KCNIP3: variants seen among roughly 807,000 people sequenced by gnomAD.
The protein encoded by KCNIP3 is calsenilin.
A neutral mutation model predicts 35.0 loss-of-function variants in KCNIP3; 28 were observed. That is an observed-to-expected ratio of 0.80 (90% confidence interval 0.59 to 1.10). KCNIP3 has a LOEUF of 1.10. Ranked by LOEUF, KCNIP3 falls within the 50% of genes least tolerant of loss-of-function variation. The pLI is 0.00. For synonymous variants in KCNIP3, 134 were observed against 133.8 expected, an observed-to-expected ratio of 1.00 and a Z score of -0.01; for missense variants, 295 against 338.4, an observed-to-expected ratio of 0.87 and a Z score of 1.01.
At chr2:95,381,462 A>G (rs1312189557) in intron 5 of KCNIP3, 134 bp from the exon 6 acceptor site, 4 of 657,452 alleles carry the variant, frequency 6.1e-6, no homozygotes, top group Non-Finnish European at 1.1e-5. Flanking sequence ...GCTGACCTGA[A>G]TGGATGCCGT....
chr2:95,323,101 G>A (rs2113418), intron 2 of KCNIP3, among the ~76,000 whole-genome samples: 74,405 of 152,088 alleles, frequency 0.49, 18,556 homozygotes, highest in South Asian at 0.53. Context: ...TAGGAGGGGG[G>A]TGAACAGGAA....
chr2:95,304,269 T>A (rs1181351835), intron 1 of KCNIP3, among the ~76,000 whole-genome samples: 23 of 152,228 alleles, frequency 1.5e-4, no homozygotes. Flanking sequence ...GTGAATTCAT[T>A]TAAAAGGGAA....
chr2:95,300,401 C>CCCCTG (rs1356052932), intron 1 of KCNIP3, among the ~76,000 whole-genome samples: 1 of 152,244 alleles, frequency 6.6e-6, no homozygotes, highest in Non-Finnish European at 1.5e-5. Flanking sequence ...CCTTAGAGCC[C>CCCCTG]CCCTGCCCTC....
chr2:95,378,033 T>A lies in KCNIP3; in HGVS notation c.447+2825T>A, dbSNP rs1221320862. ...TCTGACCCAGGGCTTCAGGGATAAC[T>A]TAGAATCTTCACTACTGTGTAAACC... On this transcript the variant is annotated intron_variant, in intron 5 of 8. Transcript: ENST00000295225. The surrounding 1 kb of genome is among the most constrained non-coding windows in gnomAD (Gnocchi z 4.0). 6.6e-6 allele frequency among the ~76,000 whole-genome samples: 1 copy of A among 152,228 alleles called. No homozygotes were observed. Among genetic ancestry groups the A allele is most frequent in the African/African-American group, 2.4e-5 (1 of 41,458 alleles).
chr2:95,310,622 G>A lies in KCNIP3; in HGVS notation c.181+102G>A, dbSNP rs757355288. The A allele has an allele frequency of 1.8e-5, 23 of 1,277,946 alleles. No homozygotes were observed. In the African/African-American group the frequency reaches 2.5e-4, roughly 14 times the overall value. 79.2% of individuals were successfully genotyped at this position (1,277,946 alleles called of 1,614,324 possible). The stretch of plus-strand genomic sequence containing the variant: ...AAAGGCCAGCCTGGGACCCCAGCCT[G>A]GGCTACATCGCCCCTGTCTCTATTG... On this transcript the variant is annotated intron_variant, in intron 2 of 8. Coordinates refer to ENST00000295225, the MANE Select transcript of KCNIP3 (RefSeq NM_013434.5).
rs1450878479 is a variant in KCNIP3 at position 95,376,620 on chromosome 2, C to A, written c.447+1412C>A. 1.3e-5 allele frequency among the ~76,000 whole-genome samples: 2 copies of A among 152,260 alleles called. No individual in the cohort carries two copies. The highest frequency in any genetic ancestry group is 2.9e-5 in the Non-Finnish European group (2 of 68,052). On this transcript the variant is annotated intron_variant, in intron 5 of 8. Transcript: ENST00000295225. This position sits in a 1 kb window ranked among gnomAD's most constrained non-coding sequence, Gnocchi z 4.2. Reference sequence around the variant, plus strand: ...AGCTTCTCTGCACGTGAAACGAAGTCCTCTGGCTTCACGCAGGTACATTTA... The same window carrying A: ...AGCTTCTCTGCACGTGAAACGAAGTACTCTGGCTTCACGCAGGTACATTTA...
chr2:95,347,006 C>T (rs1484765930), intron 2 of KCNIP3: 1 of 1,594,222 alleles, frequency 6.3e-7, no homozygotes, highest in Non-Finnish European at 8.5e-7. Context: ...GGGCCCCAGG[C>T]AGCCCGGCTT....
At chr2:95,345,158 T>TA (rs1205549103) in intron 2 of KCNIP3, among the ~76,000 whole-genome samples, 1 of 152,246 alleles carries the variant, frequency 6.6e-6, no homozygotes, top group Non-Finnish European at 1.5e-5. Context: ...AGGCATGTGA[T>TA]ACAGTGAAGC....
intron 2 of KCNIP3, chr2:95,311,189 A>C (rs1040127921): frequency 1.3e-5 from 2 of 157,678 alleles, no homozygotes; most frequent in Admixed American, 6.1e-5. Context: ...ACACACATTC[A>C]GACACCTCAC....
Position 95,302,045 on chromosome 2 carries a change from G to C in KCNIP3, c.15+4592G>C, listed in dbSNP as rs185470076. Among the ~76,000 whole-genome samples the C allele has an allele frequency of 2.2e-4, 34 of 152,244 alleles. No homozygotes were observed. The East Asian group carries it at 6.0e-3, about 27-fold the overall frequency. On this transcript the variant is annotated intron_variant, in intron 1 of 8. Coordinates refer to ENST00000295225, the MANE Select transcript of KCNIP3 (RefSeq NM_013434.5). ...GGGTGGAGAATCCAGGCTCCCCAAA[G>C]CTTCCCCATTCCATACCCTGGGGCC...
At chr2:95,317,183 A>C (rs1195608390) in intron 2 of KCNIP3, among the ~76,000 whole-genome samples, 1 of 152,122 alleles carries the variant, frequency 6.6e-6, no homozygotes, top group Non-Finnish European at 1.5e-5. Flanking sequence ...TAGGCAGGGG[A>C]CTGTGTGAGA....
chr2:95,347,201 C>T lies in KCNIP3; in HGVS notation c.182-27095C>T, dbSNP rs976014489. On this transcript the variant is annotated intron_variant, in intron 2 of 8. Transcript: ENST00000295225. The stretch of plus-strand genomic sequence containing the variant: ...GAGGGAGGGACCAGTACCCGCACGC[C>T]GGGGTGCACTGGTCTGGCGAGGAGC... 1.2e-5 allele frequency: 15 copies of T among 1,272,842 alleles called. No homozygotes were observed. The African/African-American group carries it at 1.8e-4, about 15-fold the overall frequency. 78.8% of individuals were successfully genotyped at this position (1,272,842 alleles called of 1,614,324 possible). A position where few individuals can be genotyped will look rare whatever the true frequency, so the allele number is the denominator to read the frequency against.
At chr2:95,358,769 C>T (rs1679719942) in intron 2 of KCNIP3, among the ~76,000 whole-genome samples, 1 of 152,174 alleles carries the variant, frequency 6.6e-6, no homozygotes, top group South Asian at 2.1e-4. Context: ...TGGTAACAAA[C>T]CCACTTCTGC....
At chr2:95,372,428 G>A (rs1558777403) in intron 2 of KCNIP3, among the ~76,000 whole-genome samples, 1 of 152,182 alleles carries the variant, frequency 6.6e-6, no homozygotes, top group Non-Finnish European at 1.5e-5. Context: ...GCCTGGCGTG[G>A]GATGCTGGTT....
At chr2:95,297,554 C>A in intron 1 of KCNIP3, 101 bp downstream of exon 1, 1 of 927,706 alleles carries the variant, frequency 1.1e-6, no homozygotes, top group Non-Finnish European at 1.6e-6. Flanking sequence ...TTTCTTTGAC[C>A]CTTGTCCCCT....
At chr2:95,310,549 G>T in intron 2 of KCNIP3, 29 bp downstream of exon 2, 6 of 1,598,916 alleles carry the variant, frequency 3.8e-6, no homozygotes, top group Non-Finnish European at 5.1e-6. Context: ...TGTGGTCAAG[G>T]GTGGGGGTGG....
chr2:95,341,419 G>A (rs927373540), intron 2 of KCNIP3, among the ~76,000 whole-genome samples: 6 of 152,158 alleles, frequency 3.9e-5, no homozygotes, highest in Non-Finnish European at 7.3e-5. Flanking sequence ...TTTCTTTATA[G>A]CAATGTGAGA....
chr2:95,308,609 G>T (rs1261348993), intron 1 of KCNIP3, among the ~76,000 whole-genome samples: 2 of 152,166 alleles, frequency 1.3e-5, no homozygotes, highest in Non-Finnish European at 2.9e-5. Flanking sequence ...CTCGGGAGAG[G>T]GGCCAGCCTT....
intron 2 of KCNIP3, among the ~76,000 whole-genome samples, chr2:95,355,592 G>A (rs1216485537): frequency 3.9e-5 from 6 of 152,094 alleles, no homozygotes; most frequent in African/African-American, 7.2e-5. Flanking sequence ...GAGAACATGC[G>A]GTGTTTGGTT....
Sources: gnomAD v4.1 joint callset for allele counts (sites outside exome capture counted in the v4.1 genomes callset) on GRCh38, gnomAD v4.1.1 for gene constraint, Gnocchi (gnomAD v3.1) non-coding constraint, MANE v1.5 for transcripts, NCBI Gene and HGNC (gene_info 2026-07-23, HGNC 2026-07-21) for gene names.